The following PLCL1 variants were observed in gnomAD, a reference collection of about 807,000 sequenced individuals.
PLCL1 encodes the protein phospholipase C like 1 (inactive).
PLCL1 carries 41 observed loss-of-function variants against 84.4 expected under a neutral mutation model. The observed-to-expected ratio is 0.49, with a 90% confidence interval of 0.38 to 0.63. The LOEUF (loss-of-function observed/expected upper bound fraction) is 0.63. Among genes scored for constraint, PLCL1 ranks in the 30% least tolerant of loss-of-function variants. PLCL1 has a pLI of 0.00. For synonymous variants in PLCL1, 490 were observed against 488.3 expected (o/e 1.00, Z -0.05); for missense variants, 1,206 against 1,367.8 (o/e 0.88, Z 1.87).
chr2:197,865,687 A>G (rs754289110), intron 1 of PLCL1, among the ~76,000 whole-genome samples: 2 of 152,080 alleles, frequency 1.3e-5, no homozygotes, highest in African/African-American at 2.4e-5. Flanking sequence ...ATCAAAGCTC[A>G]CGCGTCAAAT....
chr2:197,952,274 T>A (rs898267210), intron 1 of PLCL1, among the ~76,000 whole-genome samples: 23 of 152,166 alleles, frequency 1.5e-4, no homozygotes, highest in African/African-American at 5.5e-4. Flanking sequence ...TTTATTTATG[T>A]CCTATCTTAA....
In PLCL1 at chr2:198,089,020, A is replaced by G. The variant is rs1692955616; in HGVS notation, c.2878A>G (p.Ile960Val). The change falls in exon 3 of 6, where the codon ATT (isoleucine) becomes GTT (valine). Residue 960 changes from isoleucine to valine, a missense_variant. Physicochemically the swap from Ile to Val is conservative, Grantham distance 29. Coordinates refer to ENST00000428675, the MANE Select transcript of PLCL1 (RefSeq NM_006226.4). ...TCCTTACCTGGAGCCTCTGGGTGCA[A>G]TTCCAGATGTGCAGAAAAAGATGCT... ...SFPYLEPLGA[I>V]PDVQKKMLTA... 3.1e-6 allele frequency: 5 copies of G among 1,614,038 alleles called. No individual in the cohort carries two copies. Among genetic ancestry groups the G allele is most frequent in the Non-Finnish European group, 4.2e-6 (5 of 1,179,900 alleles).
intron 1 of PLCL1, among the ~76,000 whole-genome samples, chr2:197,870,451 A>G (rs1687630320): frequency 6.6e-6 from 1 of 152,064 alleles, no homozygotes; most frequent in South Asian, 2.1e-4. Context: ...GTGAATGAGA[A>G]TCTCTTGGTG....
At chr2:197,843,803 C>T (rs1280627369) in intron 1 of PLCL1, among the ~76,000 whole-genome samples, 2 of 152,184 alleles carry the variant, frequency 1.3e-5, no homozygotes, top group East Asian at 3.8e-4. Flanking sequence ...GAAACTTACT[C>T]TTATTGCAAA....
intron 5 of PLCL1, among the ~76,000 whole-genome samples, chr2:198,104,819 T>C (rs1227824550): frequency 6.6e-6 from 1 of 152,072 alleles, no homozygotes; most frequent in Non-Finnish European, 1.5e-5. Flanking sequence ...GTTGGCCGCG[T>C]ATATGTCTTC....
chr2:198,147,150 T>C lies in PLCL1; in HGVS notation c.*188T>C. On this transcript the variant is annotated 3_prime_UTR_variant, in exon 6 of 6. Coordinates refer to ENST00000428675, the MANE Select transcript of PLCL1 (RefSeq NM_006226.4). The stretch of plus-strand genomic sequence containing the variant: ...TCTAAATTAAAGCCTTTAGTATCAG[T>C]GTTTTAAATTCTGAGACATGTGTCA... The C allele has an allele frequency of 2.0e-6, 1 of 504,106 alleles. No individual in the cohort carries two copies. The highest frequency in any genetic ancestry group is 3.5e-6 in the Non-Finnish European group (1 of 287,272). The allele number at this position is 504,106 out of a possible 1,614,324, so 31.2% of individuals were successfully genotyped here.
intron 1 of PLCL1, among the ~76,000 whole-genome samples, chr2:197,832,085 G>A (rs1691079692): frequency 1.3e-5 from 2 of 151,962 alleles, no homozygotes; most frequent in African/African-American, 2.4e-5. Flanking sequence ...CCAGCATCAC[G>A]ATTAAAAGAA....
chr2:197,963,165 G>A (rs1356219755), intron 1 of PLCL1, among the ~76,000 whole-genome samples: 1 of 152,030 alleles, frequency 6.6e-6, no homozygotes, highest in Non-Finnish European at 1.5e-5. Context: ...GTTCTCCATA[G>A]TGGTTGTACT....
rs115995184 is a variant in PLCL1, at chr2:198,018,209, C to T, written c.241-65549C>T. 3.1e-3 allele frequency among the ~76,000 whole-genome samples: 468 copies of T among 152,302 alleles called. 3 individuals are homozygous for T. The highest frequency in any genetic ancestry group is 0.011 in the African/African-American group (447 of 41,566). On this transcript the variant is annotated intron_variant, in intron 1 of 5. Coordinates refer to ENST00000428675, the MANE Select transcript of PLCL1 (RefSeq NM_006226.4). ...ACAGTGCTATCAGGACCAGATACTA[C>T]GCTTTTCCCACAGTCTTCGCAACCT...
At chr2:198,045,580 T>C (rs1296384930) in intron 1 of PLCL1, among the ~76,000 whole-genome samples, 1 of 152,208 alleles carries the variant, frequency 6.6e-6, no homozygotes, top group Non-Finnish European at 1.5e-5. Context: ...ATAATTGTTT[T>C]GCATTAATTT....
chr2:197,820,918 A>G (rs1169776880), intron 1 of PLCL1, among the ~76,000 whole-genome samples: 2 of 152,082 alleles, frequency 1.3e-5, no homozygotes, highest in Non-Finnish European at 2.9e-5. Context: ...TGTTTATCTG[A>G]TTATGTTTGA....
At chr2:198,143,146 T>A (rs1038225337) in intron 5 of PLCL1, among the ~76,000 whole-genome samples, 1 of 152,156 alleles carries the variant, frequency 6.6e-6, no homozygotes, top group Admixed American at 6.5e-5. Flanking sequence ...TTTAAATGGC[T>A]TGGCTGACCT....
chr2:197,936,683 C>G (rs1239834203), intron 1 of PLCL1, among the ~76,000 whole-genome samples: 1 of 152,134 alleles, frequency 6.6e-6, no homozygotes, highest in African/African-American at 2.4e-5. Context: ...CAGATATTTT[C>G]TACCATTCTG....
intron 1 of PLCL1, among the ~76,000 whole-genome samples, chr2:197,863,238 G>GAAGAC (rs1490652483): frequency 6.6e-6 from 1 of 151,760 alleles, no homozygotes; most frequent in African/African-American, 2.4e-5. Context: ...TTTACAGATG[G>GAAGAC]AAGACACTGA....
chr2:198,102,837 G>A (rs369156291), intron 4 of PLCL1, among the ~76,000 whole-genome samples: 1 of 152,150 alleles, frequency 6.6e-6, no homozygotes, highest in South Asian at 2.1e-4. Flanking sequence ...TTTTTGGCTT[G>A]ATGTCAGTCA....
chr2:197,883,395 G>A (rs571269085), intron 1 of PLCL1, among the ~76,000 whole-genome samples: 1 of 152,242 alleles, frequency 6.6e-6, no homozygotes, highest in Admixed American at 6.5e-5. Context: ...ACTGTACAAA[G>A]TATTTGTTTC....
chr2:197,920,188 C>T (rs1380614109), intron 1 of PLCL1, among the ~76,000 whole-genome samples: 1 of 152,038 alleles, frequency 6.6e-6, no homozygotes, highest in African/African-American at 2.4e-5. Context: ...AATCACAATG[C>T]TGTTCAGAAT....
chr2:197,977,031 A>G (rs1444451606), intron 1 of PLCL1, among the ~76,000 whole-genome samples: 1 of 152,150 alleles, frequency 6.6e-6, no homozygotes, highest in Non-Finnish European at 1.5e-5. Context: ...TGATAGTTCC[A>G]TGGACTTCAG....
At chr2:197,838,886 G>A (rs1453012213) in intron 1 of PLCL1, among the ~76,000 whole-genome samples, 1 of 152,200 alleles carries the variant, frequency 6.6e-6, no homozygotes, top group Non-Finnish European at 1.5e-5. Context: ...AGAGATCACT[G>A]TTAAGAATTC....
Sources: gnomAD v4.1 joint callset for allele counts (sites outside exome capture counted in the v4.1 genomes callset) on GRCh38, gnomAD v4.1.1 for gene constraint, MANE v1.5 for transcripts, NCBI Gene and HGNC (gene_info 2026-07-23, HGNC 2026-07-21) for gene names.